The following RALYL variants were observed in gnomAD, a reference collection of about 807,000 sequenced individuals.
The protein encoded by RALYL is RALY RNA binding protein like.
A neutral mutation model predicts 35.1 loss-of-function variants in RALYL; 29 were observed. The ratio of observed to expected loss-of-function variants is 0.83; its 90% CI spans 0.61 to 1.13. The LOEUF (loss-of-function observed/expected upper bound fraction) is 1.13. Among genes scored for constraint, RALYL ranks in the 50% most tolerant of loss-of-function variants. The pLI is 0.00. For synonymous variants in RALYL, 120 were observed against 127.6 expected (o/e 0.94, Z 0.40); for missense variants, 359 against 360.4 (o/e 1.00, Z 0.03).
At chr8:84,358,961 G>T (rs568712617) in intron 1 of RALYL, among the ~76,000 whole-genome samples, 2 of 151,934 alleles carry the variant, frequency 1.3e-5, no homozygotes, top group African/African-American at 4.8e-5. Context: ...AGGTGATGAA[G>T]AACTAGATGA....
chr8:84,491,799 G>A (rs557772153), intron 1 of RALYL, among the ~76,000 whole-genome samples: 20 of 151,840 alleles, frequency 1.3e-4, no homozygotes, highest in Admixed American at 3.3e-4. Flanking sequence ...ATAATCTCTC[G>A]TACATTCCAT....
At chr8:84,437,212 T>G (rs112641160) in intron 1 of RALYL, among the ~76,000 whole-genome samples, 5,764 of 152,270 alleles carry the variant, frequency 0.038, 137 homozygotes, top group Middle Eastern at 0.044. Context: ...TTCCTTTTTA[T>G]AGCTGTGTAG....
At chr8:84,352,022 C>T (rs1057027602) in intron 1 of RALYL, among the ~76,000 whole-genome samples, 14 of 150,182 alleles carry the variant, frequency 9.3e-5, no homozygotes, top group Admixed American at 8.6e-4. Flanking sequence ...GAATCTTACC[C>T]CACATTGGAG....
Position 84,746,682 on chromosome 8 carries a change from A to G in RALYL, c.257-27897A>G, listed in dbSNP as rs554050030. On this transcript the variant is annotated intron_variant, in intron 2 of 8. Transcript: ENST00000521268. ...CATACAAATGTTCCACTATTCCCCT[A>G]AGATAGTTCAACATGAAACTAGCCC... is the stretch of plus-strand genomic sequence containing the variant. Among the ~76,000 whole-genome samples, 6 of 152,104 alleles carry G rather than the reference A, an allele frequency of 3.9e-5. No individual in the cohort carries two copies. The East Asian group carries it at 9.6e-4, about 24-fold the overall frequency.
chr8:84,864,458 A>G (rs1838761134), intron 6 of RALYL, among the ~76,000 whole-genome samples: 1 of 152,200 alleles, frequency 6.6e-6, no homozygotes, highest in South Asian at 2.1e-4. Flanking sequence ...ATCATTTAAA[A>G]TCTATTCAGC....
intron 8 of RALYL, among the ~76,000 whole-genome samples, chr8:84,900,248 GA>G (rs1042090779): frequency 6.6e-6 from 1 of 152,024 alleles, no homozygotes; most frequent in Non-Finnish European, 1.5e-5. Context: ...ACAAAAATAG[GA>G]AAAAATAGTT....
intron 8 of RALYL, among the ~76,000 whole-genome samples, chr8:84,912,884 G>A (rs1267207118): frequency 1.2e-4 from 18 of 151,940 alleles, no homozygotes; most frequent in Admixed American, 1.2e-3. Context: ...CTGGTCAAGT[G>A]ACTTTCTTTC....
chr8:84,183,035 C>A, upstream of RALYL: 1 of 153,152 alleles, frequency 6.5e-6, no homozygotes, highest in South Asian at 1.9e-4. Flanking sequence ...CACCTCCTCT[C>A]AAGGCGCTGG....
chr8:84,775,926 T>C (rs372428600), intron 3 of RALYL, among the ~76,000 whole-genome samples: 3 of 152,312 alleles, frequency 2.0e-5, no homozygotes, highest in Non-Finnish European at 4.4e-5. Context: ...TCTCTTTTGT[T>C]AGATATAGCC....
chr8:84,812,608 C>G (rs954179602), intron 4 of RALYL, among the ~76,000 whole-genome samples: 1 of 152,140 alleles, frequency 6.6e-6, no homozygotes, highest in Non-Finnish European at 1.5e-5. Flanking sequence ...CTTGCTGTGG[C>G]TGCTGTGGGG....
At chr8:84,888,898 T>C (rs1343338241) in intron 8 of RALYL, among the ~76,000 whole-genome samples, 1 of 152,038 alleles carries the variant, frequency 6.6e-6, no homozygotes, top group East Asian at 1.9e-4. Flanking sequence ...TGCAGGCACC[T>C]GCCACCACAT....
intron 4 of RALYL, among the ~76,000 whole-genome samples, chr8:84,828,336 A>G (rs1193742217): frequency 6.6e-6 from 1 of 152,186 alleles, no homozygotes; most frequent in Non-Finnish European, 1.5e-5. Flanking sequence ...GATTCAAGTT[A>G]TCCCTTTGGG....
In RALYL at chr8:84,479,116, A is replaced by G. The variant is rs796234392; in HGVS notation, c.-23-50183A>G. 3.4e-5 allele frequency among the ~76,000 whole-genome samples: 5 copies of G among 147,898 alleles called. No homozygotes were observed. The South Asian group carries it at 1.1e-3, about 31-fold the overall frequency. ...AAAAAAAAAAAAAAAAAAAAAAAAA[A>G]AAAAAAATCTATACACAGGGTTCTG... On this transcript the variant is annotated intron_variant, in intron 1 of 8. Transcript: ENST00000521268.
chr8:84,469,395 C>A (rs553735196), intron 1 of RALYL, among the ~76,000 whole-genome samples: 1 of 152,160 alleles, frequency 6.6e-6, no homozygotes, highest in South Asian at 2.1e-4. Context: ...TGTTGGAGTA[C>A]CCTGCCGTGT....
intron 2 of RALYL, among the ~76,000 whole-genome samples, chr8:84,721,440 G>A (rs1011558212): frequency 1.3e-5 from 2 of 152,050 alleles, no homozygotes; most frequent in Non-Finnish European, 2.9e-5. Context: ...CAATGTAATA[G>A]TTTCTATTTA....
chr8:84,839,361 T>G (rs1832708758), intron 4 of RALYL, among the ~76,000 whole-genome samples: 1 of 152,208 alleles, frequency 6.6e-6, no homozygotes, highest in South Asian at 2.1e-4. Flanking sequence ...TCATGGAGCC[T>G]CGCTCATTGC....
At chr8:84,386,374 CAT>C (rs936466177) in intron 1 of RALYL, among the ~76,000 whole-genome samples, 61 of 151,798 alleles carry the variant, frequency 4.0e-4, no homozygotes, top group African/African-American at 1.4e-3. Flanking sequence ...TGTTACATAA[CAT>C]GTATCAACAA....
chr8:84,361,279 G>T (rs1279500319), intron 1 of RALYL, among the ~76,000 whole-genome samples: 1 of 152,138 alleles, frequency 6.6e-6, no homozygotes, highest in East Asian at 1.9e-4. Context: ...ACACAAGTTT[G>T]GTGTTTCAGC....
intron 1 of RALYL, among the ~76,000 whole-genome samples, chr8:84,189,072 G>C (rs1386931243): frequency 6.6e-6 from 1 of 152,034 alleles, no homozygotes; most frequent in East Asian, 1.9e-4. Flanking sequence ...ACATTTTCTG[G>C]GCTGTCCTTG....
Sources: allele counts gnomAD v4.1 joint callset (sites outside exome capture counted in the v4.1 genomes callset), GRCh38; gene constraint gnomAD v4.1.1; transcripts MANE v1.5; gene names NCBI Gene and HGNC (gene_info 2026-07-23, HGNC 2026-07-21).